The following DCC variants were observed in gnomAD, a reference collection of about 807,000 sequenced individuals.
The protein encoded by DCC is DCC netrin 1 receptor.
In DCC, 58 loss-of-function variants were observed where a neutral mutation model predicts 172.5. The observed-to-expected ratio is 0.34, with a 90% CI of 0.27 to 0.42. DCC has a LOEUF of 0.42. Ranked by LOEUF, DCC falls within the 10% of genes least tolerant of loss-of-function variation. DCC has a pLI of 1.00. For missense variants in DCC, 1,740 were observed against 1,791.0 expected (o/e 0.97, Z 0.51); for synonymous variants, 709 against 644.5 (o/e 1.10, Z -1.52).
chr18:52,520,173 C>A (rs2031767811), intron 1 of DCC, among the ~76,000 whole-genome samples: 1 of 152,188 alleles, frequency 6.6e-6, no homozygotes, highest in Admixed American at 6.5e-5. Flanking sequence ...CATGAGCCCC[C>A]AGTGCTGCCC....
At chr18:52,990,279 G>A (rs916274890) in intron 5 of DCC, among the ~76,000 whole-genome samples, 1 of 151,886 alleles carries the variant, frequency 6.6e-6, no homozygotes, top group African/African-American at 2.4e-5. Flanking sequence ...AGTGGCTCAC[G>A]CCTGTAATCC....
At chr18:52,798,824 C>T (rs902736005) in intron 2 of DCC, among the ~76,000 whole-genome samples, 11 of 151,698 alleles carry the variant, frequency 7.3e-5, no homozygotes, top group African/African-American at 2.7e-4. Flanking sequence ...GGGATCTTGT[C>T]TCCCTGCAAC....
At chr18:52,721,453 G>C (rs757275997) in intron 1 of DCC, among the ~76,000 whole-genome samples, 4 of 152,148 alleles carry the variant, frequency 2.6e-5, no homozygotes, top group Non-Finnish European at 5.9e-5. Context: ...AAACTATCAG[G>C]TCAGATTTGA....
Position 53,023,895 on chromosome 18 carries a change from C to T in DCC, c.986-39410C>T, listed in dbSNP as rs115699572. 2.5e-3 allele frequency among the ~76,000 whole-genome samples: 383 copies of T among 152,196 alleles called. 5 individuals are homozygous for T. The highest frequency in any genetic ancestry group is 8.7e-3 in the African/African-American group (363 of 41,542). On this transcript the variant is annotated intron_variant, in intron 5 of 28. Coordinates refer to ENST00000442544, the MANE Select transcript of DCC (RefSeq NM_005215.4). ...CTGCCTGCAGATGCCCCAAATTCCA[C>T]TTGATCGTCTAGTTAGTGGAATTAT...
chr18:52,507,183 T>C (rs2031261086), intron 1 of DCC, among the ~76,000 whole-genome samples: 1 of 152,206 alleles, frequency 6.6e-6, no homozygotes, highest in South Asian at 2.1e-4. Flanking sequence ...TGTTGAGCTT[T>C]AGTATTTGGT....
At position 53,212,350 on chromosome 18, in the gene DCC, C is replaced by T. The variant is rs374407173; in HGVS notation, c.1862-3198C>T. Reference sequence around the variant, plus strand: ...TTCTGCCTCATGAAACAAGAAGCGTCTTGGGAAGACAAATATAGAAAAGAA... The same window carrying T: ...TTCTGCCTCATGAAACAAGAAGCGTTTTGGGAAGACAAATATAGAAAAGAA... On this transcript the variant is annotated intron_variant, in intron 11 of 28. Coordinates refer to ENST00000442544, the MANE Select transcript of DCC (RefSeq NM_005215.4). Among the ~76,000 whole-genome samples the T allele has an allele frequency of 2.6e-5, 4 of 152,260 alleles. No homozygotes were observed. In the East Asian group the frequency reaches 7.7e-4, roughly 29 times the overall value.
chr18:53,093,045 C>G (rs1212648671), intron 7 of DCC, among the ~76,000 whole-genome samples: 1 of 152,106 alleles, frequency 6.6e-6, no homozygotes, highest in Non-Finnish European at 1.5e-5. Flanking sequence ...CCAAGGCAGG[C>G]AGATCACAGG....
chr18:53,030,998 C>T (rs907485918), intron 5 of DCC, among the ~76,000 whole-genome samples: 3 of 152,168 alleles, frequency 2.0e-5, no homozygotes, highest in Non-Finnish European at 4.4e-5. Flanking sequence ...GTGGCTCACG[C>T]CTATAATCCC....
rs111533893 is a variant in DCC at position 53,450,369 on chromosome 18, C to T, written c.3230-131C>T. The stretch of plus-strand genomic sequence containing the variant: ...CCTCTCATTTTTTCATTGCTTCCCT[C>T]GAACTCCCATCACTACCCCTAAGTT... On this transcript the variant is annotated intron_variant, in intron 22 of 28. Transcript: ENST00000442544. 1.6e-3 allele frequency: 1,471 copies of T among 912,046 alleles called. 10 individuals carry two copies. The African/African-American group carries it at 0.018, about 11-fold the overall frequency. 56.5% of individuals were successfully genotyped at this position (912,046 alleles called of 1,614,324 possible). A position where few individuals can be genotyped will look rare whatever the true frequency, so the allele number is the denominator to read the frequency against.
At chr18:53,353,521 TG>T (rs1177806371) in intron 15 of DCC, among the ~76,000 whole-genome samples, 1 of 139,844 alleles carries the variant, frequency 7.2e-6, no homozygotes, top group African/African-American at 2.9e-5. Context: ...GATATTTAAC[TG>T]GTGTCATTTT....
At chr18:52,772,469 C>T (rs1264650860) in intron 2 of DCC, among the ~76,000 whole-genome samples, 1 of 152,130 alleles carries the variant, frequency 6.6e-6, no homozygotes, top group Non-Finnish European at 1.5e-5. Context: ...AAAATTTATT[C>T]TGCTTTCAGT....
intron 1 of DCC, among the ~76,000 whole-genome samples, chr18:52,351,655 T>C (rs1032027675): frequency 6.6e-6 from 1 of 152,202 alleles, no homozygotes; most frequent in Non-Finnish European, 1.5e-5. Context: ...TCTATAAAAA[T>C]AGAATTGCCA....
At chr18:52,773,725 C>T (rs899496458) in intron 2 of DCC, among the ~76,000 whole-genome samples, 3 of 152,104 alleles carry the variant, frequency 2.0e-5, no homozygotes, top group South Asian at 2.1e-4. Flanking sequence ...GACGGGGTTT[C>T]GCCATGATGG....
chr18:53,055,779 A>G (rs2042396095), intron 5 of DCC, among the ~76,000 whole-genome samples: 1 of 152,124 alleles, frequency 6.6e-6, no homozygotes, highest in Admixed American at 6.6e-5. Flanking sequence ...CACGTAAGAA[A>G]AGGCCGGGAG....
chr18:52,669,019 G>A (rs79239583), intron 1 of DCC, among the ~76,000 whole-genome samples: 1,846 of 152,272 alleles, frequency 0.012, 32 homozygotes, highest in African/African-American at 0.042. Flanking sequence ...CTGGAGTTTT[G>A]TTATTACTCA....
intron 1 of DCC, among the ~76,000 whole-genome samples, chr18:52,548,826 A>G (rs1283050179): frequency 6.6e-6 from 1 of 152,132 alleles, no homozygotes; most frequent in African/African-American, 2.4e-5. Flanking sequence ...GATCAGTATT[A>G]CCCAATAAAG....
chr18:53,326,300 A>G (rs2057467109), intron 14 of DCC, among the ~76,000 whole-genome samples: 1 of 152,178 alleles, frequency 6.6e-6, no homozygotes, highest in South Asian at 2.1e-4. Context: ...TTTAGACATA[A>G]TGAAAACTGA....
At chr18:53,013,313 A>T (rs936426796) in intron 5 of DCC, among the ~76,000 whole-genome samples, 1 of 152,132 alleles carries the variant, frequency 6.6e-6, no homozygotes, top group Admixed American at 6.6e-5. Flanking sequence ...TCCATAATTG[A>T]TAGACTAGAT....
intron 5 of DCC, among the ~76,000 whole-genome samples, chr18:52,980,635 A>G (rs1023080344): frequency 3.9e-5 from 6 of 152,172 alleles, no homozygotes; most frequent in Non-Finnish European, 7.4e-5. Flanking sequence ...TGACATTTTC[A>G]TAGCAAAAAA....
Sources: gnomAD v4.1 joint callset for allele counts (sites outside exome capture counted in the v4.1 genomes callset) on GRCh38, gnomAD v4.1.1 for gene constraint, MANE v1.5 for transcripts, NCBI Gene and HGNC (gene_info 2026-07-23, HGNC 2026-07-21) for gene names.